OTUD7A: variants seen among roughly 807,000 people sequenced by gnomAD.
OTUD7A encodes OTU domain-containing protein 7A.
Under a neutral mutation model 65.7 loss-of-function variants are expected in OTUD7A, and 12 were observed. The observed-to-expected ratio is 0.18, with a 90% CI of 0.12 to 0.30. The LOEUF (loss-of-function observed/expected upper bound fraction) is 0.30. Among genes scored for constraint, OTUD7A ranks in the 10% least tolerant of loss-of-function variants. The pLI is 1.00. For synonymous variants in OTUD7A, 641 were observed against 586.3 expected (o/e 1.09, Z -1.35); for missense variants, 1,148 against 1,304.8 (o/e 0.88, Z 1.85).
intron 1 of OTUD7A, among the ~76,000 whole-genome samples, chr15:31,659,260 G>A (rs1892089912): frequency 6.6e-6 from 1 of 152,092 alleles, no homozygotes; most frequent in African/African-American, 2.4e-5. Flanking sequence ...AAGACTATGG[G>A]TGAATGAGTG....
chr15:31,673,285 A>G (rs192613183), intron 1 of OTUD7A, among the ~76,000 whole-genome samples: 3 of 152,352 alleles, frequency 2.0e-5, no homozygotes, highest in African/African-American at 7.2e-5. Context: ...CAATTCCTAA[A>G]GTATCCACAA....
chr15:31,501,978 TGCTGAGGGATGGG>T, intron 9 of OTUD7A, 139 bp from the exon 10 acceptor site: 3 of 956,022 alleles, frequency 3.1e-6, no homozygotes, highest in African/African-American at 3.3e-5. Context: ...ATGGAGGCGG[TGCTGAGGGATGGG>T]GCTGAGGGTT....
At chr15:31,508,611 C>CA (rs2041620831) in intron 8 of OTUD7A, among the ~76,000 whole-genome samples, 1 of 152,246 alleles carries the variant, frequency 6.6e-6, no homozygotes, top group South Asian at 2.1e-4. Flanking sequence ...CTCAGCCTCT[C>CA]AAAGTGCTGG....
intron 1 of OTUD7A, among the ~76,000 whole-genome samples, chr15:31,860,150 C>G (rs1266011067): frequency 6.6e-6 from 1 of 152,096 alleles, no homozygotes; most frequent in Non-Finnish European, 1.5e-5. Flanking sequence ...TCTTAAAAAT[C>G]TATGGAATGG....
rs1894715819 is a variant in OTUD7A, at chr15:31,753,705, T to TATGTGATATATAACCTGTG, written c.-99-96629_-99-96628insCACAGGTTATATATCACAT. Among the ~76,000 whole-genome samples, 22 of 78,378 alleles carry TATGTGATATATAACCTGTG rather than the reference T, an allele frequency of 2.8e-4. 1 individual carries two copies. Among genetic ancestry groups the TATGTGATATATAACCTGTG allele is most frequent in the African/African-American group, 2.1e-3 (22 of 10,508 alleles). The allele number at this position is 78,378 out of a possible 152,430, so 51.4% of individuals were successfully genotyped here. A position where few individuals can be genotyped will look rare whatever the true frequency, so the allele number is the denominator to read the frequency against. ...CTGTGAGATATATATATATATATTA[T>TATGTGATATATAACCTGTG]ATATATATATATATATTATATATAT... On this transcript the variant is annotated intron_variant, in intron 1 of 12. Transcript: ENST00000307050.
At chr15:31,750,700 C>T (rs747228583) in intron 1 of OTUD7A, among the ~76,000 whole-genome samples, 5 of 152,120 alleles carry the variant, frequency 3.3e-5, no homozygotes, top group Non-Finnish European at 7.4e-5. Context: ...AGAAGTAAAG[C>T]CACACATCTA....
Position 31,558,991 on chromosome 15 carries a change from T to C in OTUD7A, c.528A>G (p.Thr176=). 1 of 1,614,210 alleles carries C rather than the reference T, an allele frequency of 6.2e-7. No individual in the cohort carries two copies. Among genetic ancestry groups the C allele is most frequent in the Non-Finnish European group, 8.5e-7 (1 of 1,180,028 alleles). The change falls in exon 5 of 13, where the codon ACA becomes ACG. Residue 176 remains threonine (T), a synonymous_variant. Coordinates refer to ENST00000307050, the MANE Select transcript of OTUD7A (RefSeq NM_001382637.1). ...FIERDLIEQA[T]MVALEQAGRL... is the part of the protein sequence containing the mutation. ...CACCTGCCTGCTCCAAAGCCACCATTGTTGCCTGCTCGATCAAGTCCCGCT... is the reference window on the plus strand; with the variant it reads ...CACCTGCCTGCTCCAAAGCCACCATCGTTGCCTGCTCGATCAAGTCCCGCT...
chr15:31,848,553 C>A (rs142849601), intron 1 of OTUD7A, among the ~76,000 whole-genome samples: 1 of 152,226 alleles, frequency 6.6e-6, no homozygotes, highest in Non-Finnish European at 1.5e-5. Context: ...AACCTCTAAG[C>A]TGCCTCTCTC....
intron 1 of OTUD7A, among the ~76,000 whole-genome samples, chr15:31,673,819 G>A (rs1383718592): frequency 1.3e-5 from 2 of 152,148 alleles, no homozygotes; most frequent in Non-Finnish European, 2.9e-5. Flanking sequence ...ACAAGTGTTG[G>A]GGCACACTTT....
intron 8 of OTUD7A, among the ~76,000 whole-genome samples, chr15:31,517,421 T>C (rs1566897654): frequency 6.6e-6 from 1 of 152,234 alleles, no homozygotes; most frequent in Non-Finnish European, 1.5e-5. Context: ...AGACTTCATG[T>C]CTTCTTCTTG....
At chr15:31,687,012 A>C (rs1300523258) in intron 1 of OTUD7A, among the ~76,000 whole-genome samples, 2 of 152,130 alleles carry the variant, frequency 1.3e-5, no homozygotes, top group Non-Finnish European at 2.9e-5. Context: ...ATTTTCACAA[A>C]CTGTTTTCTT....
chr15:31,685,482 G>GA (rs565412347), intron 1 of OTUD7A, among the ~76,000 whole-genome samples: 3,590 of 140,092 alleles, frequency 0.026, 151 homozygotes, highest in African/African-American at 0.082. Context: ...TGTCTCTACT[G>GA]AAAAAAAAAA....
intron 1 of OTUD7A, among the ~76,000 whole-genome samples, chr15:31,674,677 T>G (rs529432234): frequency 6.6e-6 from 1 of 152,226 alleles, no homozygotes; most frequent in African/African-American, 2.4e-5. Flanking sequence ...CCAGTCTACC[T>G]GATGGAAATG....
At chr15:31,778,352 G>T (rs761847249) in intron 1 of OTUD7A, among the ~76,000 whole-genome samples, 2 of 152,194 alleles carry the variant, frequency 1.3e-5, no homozygotes, top group Non-Finnish European at 2.9e-5. Context: ...GCAGCTGGGG[G>T]ATTCCATCTG....
intron 1 of OTUD7A, among the ~76,000 whole-genome samples, chr15:31,680,680 A>G (rs1450536205): frequency 6.6e-6 from 1 of 152,134 alleles, no homozygotes; most frequent in Non-Finnish European, 1.5e-5. Flanking sequence ...TTCAAGCATC[A>G]TTTCCTACTG....
intron 1 of OTUD7A, among the ~76,000 whole-genome samples, chr15:31,750,108 A>G (rs953931044): frequency 3.3e-5 from 5 of 152,204 alleles, no homozygotes; most frequent in African/African-American, 4.8e-5. Flanking sequence ...TGGATGAATC[A>G]ATATTGTTAA....
intron 4 of OTUD7A, among the ~76,000 whole-genome samples, chr15:31,560,264 A>G (rs1031816805): frequency 6.6e-6 from 1 of 152,248 alleles, no homozygotes; most frequent in African/African-American, 2.4e-5. Flanking sequence ...CCCTCCCAGG[A>G]CACACAATAT....
At chr15:31,595,229 G>A (rs969613766) in intron 3 of OTUD7A, among the ~76,000 whole-genome samples, 26 of 152,292 alleles carry the variant, frequency 1.7e-4, no homozygotes, top group Middle Eastern at 3.4e-3. Context: ...TGGTAAGGAC[G>A]CAAGATTTTA....
chr15:31,504,808 T>A (rs972281808), intron 8 of OTUD7A, among the ~76,000 whole-genome samples: 6 of 152,048 alleles, frequency 3.9e-5, no homozygotes, highest in African/African-American at 7.2e-5. Flanking sequence ...GAATGCAGGG[T>A]GTGAATCCTA....
Sources: allele counts gnomAD v4.1 joint callset (sites outside exome capture counted in the v4.1 genomes callset), GRCh38; gene constraint gnomAD v4.1.1; transcripts MANE v1.5; gene names NCBI Gene and HGNC (gene_info 2026-07-23, HGNC 2026-07-21).